Variants in PTPRT observed in about 807,000 individuals in gnomAD.
PTPRT encodes the protein protein tyrosine phosphatase receptor type T, also known as receptor-type tyrosine-protein phosphatase T.
A neutral mutation model predicts 176.8 loss-of-function variants in PTPRT; 56 were observed. The ratio of observed to expected loss-of-function variants is 0.32; its 90% confidence interval spans 0.26 to 0.40. The LOEUF is 0.40. Ranked by LOEUF, PTPRT falls within the 10% of genes least tolerant of loss-of-function variation. The pLI is 1.00. For synonymous variants in PTPRT, 783 were observed against 739.0 expected, an observed-to-expected ratio of 1.06 and a Z score of -0.96; for missense variants, 1,540 against 1,908.2, an observed-to-expected ratio of 0.81 and a Z score of 3.60.
chr20:42,545,408 C>A (rs1241918653), intron 7 of PTPRT, among the ~76,000 whole-genome samples: 1 of 152,166 alleles, frequency 6.6e-6, no homozygotes, highest in African/African-American at 2.4e-5. Flanking sequence ...GCCCTCCACA[C>A]AAACGGCCAT....
chr20:42,527,418 CTTTG>C (rs2072298780), intron 7 of PTPRT, among the ~76,000 whole-genome samples: 2 of 152,140 alleles, frequency 1.3e-5, no homozygotes, highest in Non-Finnish European at 2.9e-5. Flanking sequence ...GATATGCTGA[CTTTG>C]TTTAAGGTCT....
chr20:42,055,854 A>C, the PTPRT span, among the ~76,000 whole-genome samples: 1 of 152,208 alleles, frequency 6.6e-6, no homozygotes, highest in Non-Finnish European at 1.5e-5. Context: ...GTGGAACCAG[A>C]AAGGGTAGAA....
At chr20:42,817,490 A>G (rs2077809234) in intron 2 of PTPRT, among the ~76,000 whole-genome samples, 1 of 152,218 alleles carries the variant, frequency 6.6e-6, no homozygotes, top group Non-Finnish European at 1.5e-5. Flanking sequence ...TGATATGAAA[A>G]AGAAATATAT....
At chr20:43,069,221 T>C (rs2011150127) in intron 1 of PTPRT, among the ~76,000 whole-genome samples, 1 of 152,124 alleles carries the variant, frequency 6.6e-6, no homozygotes, top group African/African-American at 2.4e-5. Context: ...TCTCTAACAC[T>C]AGCACACCCA....
intron 6 of PTPRT, among the ~76,000 whole-genome samples, chr20:42,747,058 G>A (rs190628651): frequency 6.6e-6 from 1 of 152,236 alleles, no homozygotes; most frequent in East Asian, 1.9e-4. Flanking sequence ...TCAGAGCAAA[G>A]AAAGACCATA....
intron 27 of PTPRT, among the ~76,000 whole-genome samples, chr20:42,095,441 C>G (rs773067767): frequency 7.9e-5 from 12 of 152,198 alleles, no homozygotes; most frequent in Non-Finnish European, 1.5e-4. Flanking sequence ...CATGCCTACC[C>G]TGCAGCCTGG....
chr20:42,289,069 ACC>A (rs1248439750), intron 12 of PTPRT, among the ~76,000 whole-genome samples: 9 of 151,978 alleles, frequency 5.9e-5, no homozygotes, highest in Non-Finnish European at 1.2e-4. Context: ...AAACCAGGTA[ACC>A]ATATGCAGAA....
intron 15 of PTPRT, among the ~76,000 whole-genome samples, chr20:42,199,631 C>T (rs1455802884): frequency 6.6e-6 from 1 of 152,170 alleles, no homozygotes; most frequent in Non-Finnish European, 1.5e-5. Flanking sequence ...AATGGGAAAT[C>T]AATGAGACTT....
chr20:42,099,546 C>CCGGGGGGGGGG (rs1985675342), intron 26 of PTPRT, among the ~76,000 whole-genome samples: 1 of 28,898 alleles, frequency 3.5e-5, no homozygotes, highest in African/African-American at 1.3e-4. Context: ...ATGGCCTGGG[C>CCGGGGGGGGGG]GGGGGGGGGG....
rs1166848897 is a variant in PTPRT, at chr20:42,161,613, C to G, written c.2492-71G>C. ...TGCCCTTTGTCCTCCCTGTCTCCCCCAGCTTGGCCTGAGGAGGGCAGAGGG... is the reference window on the plus strand; with the variant it reads ...TGCCCTTTGTCCTCCCTGTCTCCCCGAGCTTGGCCTGAGGAGGGCAGAGGG... On this transcript the variant is annotated intron_variant, in intron 16 of 30. Transcript: ENST00000373187. The G allele has an allele frequency of 2.1e-5, 32 of 1,499,746 alleles. No homozygotes were observed. In the East Asian group the frequency reaches 2.3e-4, roughly 11 times the overall value. 92.9% of individuals were successfully genotyped at this position (1,499,746 alleles called of 1,614,324 possible). A position where few individuals can be genotyped will look rare whatever the true frequency, so the allele number is the denominator to read the frequency against.
chr20:42,822,871 GA>G (rs1188320164), intron 2 of PTPRT, among the ~76,000 whole-genome samples: 2 of 152,108 alleles, frequency 1.3e-5, no homozygotes, highest in Non-Finnish European at 2.9e-5. Context: ...TCAGAATGGT[GA>G]TTATTAAAAA....
intron 1 of PTPRT, among the ~76,000 whole-genome samples, chr20:43,168,252 CA>C (rs2014907295): frequency 6.6e-6 from 1 of 152,226 alleles, no homozygotes; most frequent in Non-Finnish European, 1.5e-5. Flanking sequence ...GGGACATCAT[CA>C]ATTGCCACAT....
intron 13 of PTPRT, chr20:42,270,350 G>T: frequency 2.0e-6 from 3 of 1,504,364 alleles, no homozygotes; most frequent in Non-Finnish European, 2.7e-6. Flanking sequence ...GACCCACTGA[G>T]TGTGGGCAAC....
chr20:42,538,056 A>C (rs950565817), intron 7 of PTPRT, among the ~76,000 whole-genome samples: 2 of 152,172 alleles, frequency 1.3e-5, no homozygotes, highest in Non-Finnish European at 2.9e-5. Context: ...TAATTCTCAT[A>C]ATATCCCTAT....
intron 7 of PTPRT, among the ~76,000 whole-genome samples, chr20:42,641,266 A>C (rs1391918478): frequency 6.6e-6 from 1 of 152,154 alleles, no homozygotes; most frequent in East Asian, 1.9e-4. Context: ...GACTGTGCTA[A>C]TCTGTCACTA....
intron 21 of PTPRT, among the ~76,000 whole-genome samples, chr20:42,116,320 A>C (rs1987280695): frequency 6.6e-6 from 1 of 152,058 alleles, no homozygotes; most frequent in South Asian, 2.1e-4. Context: ...TAACCGTGGA[A>C]CCCTCTTCTC....
intron 2 of PTPRT, among the ~76,000 whole-genome samples, chr20:42,835,958 G>C (rs2078173682): frequency 6.6e-6 from 1 of 152,136 alleles, no homozygotes; most frequent in Non-Finnish European, 1.5e-5. Flanking sequence ...CTACGAGATA[G>C]CACGTTGGGA....
At chr20:42,627,290 T>C (rs2074310276) in intron 7 of PTPRT, among the ~76,000 whole-genome samples, 1 of 151,984 alleles carries the variant, frequency 6.6e-6, no homozygotes, top group Non-Finnish European at 1.5e-5. Context: ...TTTATTTTAT[T>C]TTTTATTTTT....
In PTPRT at chr20:43,085,105, G is replaced by A. The variant is rs546949670; in HGVS notation, c.88+104541C>T. On this transcript the variant is annotated intron_variant, in intron 1 of 30. Coordinates refer to ENST00000373187, the MANE Select transcript of PTPRT (RefSeq NM_007050.6). The stretch of plus-strand genomic sequence containing the variant: ...AAATTACTTGCCTCCAGATTGACTC[G>A]CAGGGTAACTGTTGGTTTTATTAAA... Among the ~76,000 whole-genome samples the A allele has an allele frequency of 7.2e-5, 11 of 152,184 alleles. No individual in the cohort carries two copies. In the South Asian group the frequency reaches 8.3e-4, roughly 11 times the overall value.
Sources: gnomAD v4.1 joint callset for allele counts (sites outside exome capture counted in the v4.1 genomes callset) on GRCh38, gnomAD v4.1.1 for gene constraint, MANE v1.5 for transcripts, NCBI Gene and HGNC (gene_info 2026-07-23, HGNC 2026-07-21) for gene names.